ELMOD1: variants seen among roughly 807,000 people sequenced by gnomAD.
ELMOD1 encodes the protein ELMO domain containing 1.
In ELMOD1, 21 loss-of-function variants were observed where a neutral mutation model predicts 46.7. The observed-to-expected ratio is 0.45, with a 90% CI of 0.32 to 0.65. The LOEUF (loss-of-function observed/expected upper bound fraction) is 0.65. Ranked by LOEUF, ELMOD1 falls within the 30% of genes least tolerant of loss-of-function variation. The pLI, the probability that ELMOD1 is intolerant of heterozygous loss-of-function variation, is 0.04. For missense variants in ELMOD1, 348 were observed against 407.8 expected, an observed-to-expected ratio of 0.85 and a Z score of 1.26; for synonymous variants, 122 against 138.2, an observed-to-expected ratio of 0.88 and a Z score of 0.82.
chr11:107,642,767 A>G (rs1565384830), intron 6 of ELMOD1: 1 of 171,614 alleles, frequency 5.8e-6, no homozygotes, highest in East Asian at 1.8e-4. Flanking sequence ...CACAGCAGAC[A>G]ACTATACTAA....
intron 11 of ELMOD1, among the ~76,000 whole-genome samples, chr11:107,658,128 C>CATGT (rs1422012531): frequency 6.6e-6 from 1 of 152,086 alleles, no homozygotes; most frequent in African/African-American, 2.4e-5. Flanking sequence ...TAATGGAAAG[C>CATGT]ATGTTGATTA....
chr11:107,647,590 G>A lies in ELMOD1; in HGVS notation c.543G>A (p.Leu181=), dbSNP rs758259493. ...TTCGAGGAATGGGACTTCTGGGACT[G>A]TACAATTTGCAGTAAGTAAAATGAA... ...TDFRGMGLLG[L]YNLQYFAERD... is the part of the protein sequence containing the mutation. The change falls in exon 7 of 12, where the codon CTG becomes CTA. Residue 181 remains leucine, a synonymous_variant. Transcript: ENST00000265840. The A allele has an allele frequency of 3.7e-6, 6 of 1,611,392 alleles. No homozygotes were observed. Among genetic ancestry groups the A allele is most frequent in the Non-Finnish European group, 5.1e-6 (6 of 1,178,888 alleles).
At chr11:107,601,012 C>G (rs995932173) in intron 1 of ELMOD1, 1 of 151,958 alleles carries the variant, frequency 6.6e-6, no homozygotes, top group African/African-American at 2.4e-5. Context: ...TTGTGTATAT[C>G]AAAGGAACAC....
At chr11:107,611,927 A>G (rs1453594356) in intron 1 of ELMOD1, among the ~76,000 whole-genome samples, 3 of 152,212 alleles carry the variant, frequency 2.0e-5, no homozygotes, top group African/African-American at 7.2e-5. Context: ...GTGGGAATGT[A>G]AATTAGTTCA....
intron 5 of ELMOD1, among the ~76,000 whole-genome samples, chr11:107,634,727 C>G (rs1866198746): frequency 6.6e-6 from 1 of 152,186 alleles, no homozygotes; most frequent in Non-Finnish European, 1.5e-5. Flanking sequence ...GGTAACAGAG[C>G]AAGACTCTGT....
intron 6 of ELMOD1, among the ~76,000 whole-genome samples, chr11:107,644,606 C>G (rs906384297): frequency 6.6e-6 from 1 of 151,860 alleles, no homozygotes; most frequent in African/African-American, 2.4e-5. Context: ...TCCCGAGTAG[C>G]TGGGACTACA....
intron 1 of ELMOD1, among the ~76,000 whole-genome samples, chr11:107,607,775 A>C (rs762194131): frequency 6.6e-6 from 1 of 152,346 alleles, no homozygotes; most frequent in Non-Finnish European, 1.5e-5. Flanking sequence ...TTTTTAGGAG[A>C]GAAAACTACA....
chr11:107,666,678 T>G lies in ELMOD1; in HGVS notation c.*1481T>G, dbSNP rs1318442828. 3.3e-5 allele frequency: 5 copies of G among 152,756 alleles called. No homozygotes were observed. Among genetic ancestry groups the G allele is most frequent in the Admixed American group, 1.3e-4 (2 of 15,302 alleles). The allele number at this position is 152,756 out of a possible 1,614,324, so 9.5% of individuals were successfully genotyped here. On this transcript the variant is annotated 3_prime_UTR_variant, in exon 12 of 12. Transcript: ENST00000265840. The stretch of plus-strand genomic sequence containing the variant: ...TACCTTCTGACTATCAATTTTAGTA[T>G]TATTAGATGTTTGTGTAACCACTTG...
chr11:107,615,985 C>CTT lies in ELMOD1; in HGVS notation c.-85-2093_-85-2092dup, dbSNP rs57135460. Among the ~76,000 whole-genome samples the CTT allele has an allele frequency of 3.7e-3, 275 of 74,060 alleles. 16 individuals are homozygous for CTT. The highest frequency in any genetic ancestry group is 0.014 in the African/African-American group (255 of 18,024). 48.6% of individuals were successfully genotyped at this position (74,060 alleles called of 152,430 possible). A position where few individuals can be genotyped will look rare whatever the true frequency, so the allele number is the denominator to read the frequency against. On this transcript the variant is annotated intron_variant, in intron 1 of 11. Coordinates refer to ENST00000265840, the MANE Select transcript of ELMOD1 (RefSeq NM_018712.4). ...TGAGGCAGTGTTTGTCAGGTTTTTC[C>CTT]TTTTTTTTTTTTTTTTTTTTTTTTT...
chr11:107,645,256 A>G (rs926248091), intron 6 of ELMOD1, among the ~76,000 whole-genome samples: 1 of 150,348 alleles, frequency 6.7e-6, no homozygotes, highest in Non-Finnish European at 1.5e-5. Flanking sequence ...ATTTTTTAAA[A>G]TAAACTTTTC....
In ELMOD1 at chr11:107,624,236, T is replaced by C. The variant is rs576281468; in HGVS notation, c.17+6030T>C. 2.0e-3 allele frequency among the ~76,000 whole-genome samples: 304 copies of C among 152,348 alleles called. 1 individual carries two copies. The highest frequency in any genetic ancestry group is 6.4e-3 in the African/African-American group (266 of 41,586). On this transcript the variant is annotated intron_variant, in intron 2 of 11. Transcript: ENST00000265840. ...TACCAATAAAAGTTTATATTTGAGG[T>C]TGCATTTAAATACTTTTAAAATGTC... is the stretch of plus-strand genomic sequence containing the variant.
chr11:107,630,561 C>T lies in ELMOD1; in HGVS notation c.162C>T (p.Ile54=), dbSNP rs778201960. The T allele has an allele frequency of 1.8e-5, 29 of 1,609,110 alleles. No individual in the cohort carries two copies. In the East Asian group the frequency reaches 2.0e-4, roughly 11 times the overall value. The part of the protein sequence containing the change: ...TKPGASRTMK[I]ETSLRDSKSK... ...CGGGAGCTTCTAGAACCATGAAAAT[C>T]GGTAAGCCTGAGACAAAGAAGTAAG... The change falls in exon 3 of 12, where the codon ATC becomes ATT. Residue 54 remains isoleucine, a splice_region_variant and synonymous_variant. Transcript: ENST00000265840.
At chr11:107,655,434 A>G (rs1017802742) in intron 10 of ELMOD1, among the ~76,000 whole-genome samples, 2 of 152,088 alleles carry the variant, frequency 1.3e-5, no homozygotes, top group Non-Finnish European at 2.9e-5. Flanking sequence ...TGAACTACCA[A>G]TTCTCGTGAT....
At chr11:107,618,242 A>G in intron 2 of ELMOD1, 36 bp downstream of exon 2, 1 of 1,553,682 alleles carries the variant, frequency 6.4e-7, no homozygotes, top group Non-Finnish European at 8.7e-7. Context: ...AGCCCTCTGC[A>G]GTGGGAGAAA....
At chr11:107,664,972 G>A in intron 11 of ELMOD1, 53 bp from the exon 12 acceptor site, 3 of 1,524,632 alleles carry the variant, frequency 2.0e-6, no homozygotes, top group Non-Finnish European at 2.7e-6. Context: ...TTTTGAATGT[G>A]ATTAAGGATT....
rs1419751718 is a variant in ELMOD1, at chr11:107,665,224, C to A, written c.*27C>A. ...TGCCCACGCCGGTTTTAATGGATACCCTGGAACACTGCCTCATTGTCTTGT... is the reference window on the plus strand; with the variant it reads ...TGCCCACGCCGGTTTTAATGGATACACTGGAACACTGCCTCATTGTCTTGT... On this transcript the variant is annotated 3_prime_UTR_variant, in exon 12 of 12. Transcript: ENST00000265840. The A allele has an allele frequency of 3.7e-6, 6 of 1,607,076 alleles. No homozygotes were observed. In the East Asian group the frequency reaches 1.1e-4, roughly 30 times the overall value.
chr11:107,631,158 C>T (rs1866128784), intron 4 of ELMOD1, among the ~76,000 whole-genome samples: 1 of 152,052 alleles, frequency 6.6e-6, no homozygotes, highest in South Asian at 2.1e-4. Context: ...AACCTATTTT[C>T]TTTTTCAAGA....
At chr11:107,608,817 ACT>A (rs1056622244) in intron 1 of ELMOD1, among the ~76,000 whole-genome samples, 4 of 152,208 alleles carry the variant, frequency 2.6e-5, no homozygotes, top group Admixed American at 6.5e-5. Flanking sequence ...CCAGAGGAAC[ACT>A]GTTATTCAGA....
At chr11:107,644,473 A>ATT (rs1168242087) in intron 6 of ELMOD1, among the ~76,000 whole-genome samples, 1 of 151,672 alleles carries the variant, frequency 6.6e-6, no homozygotes, top group Non-Finnish European at 1.5e-5. Flanking sequence ...ATATATATAT[A>ATT]CTTTTTTTTC....
Sources: allele counts gnomAD v4.1 joint callset (sites outside exome capture counted in the v4.1 genomes callset), GRCh38; gene constraint gnomAD v4.1.1; transcripts MANE v1.5; gene names NCBI Gene and HGNC (gene_info 2026-07-23, HGNC 2026-07-21).